Variants in DMGDH observed in about 807,000 individuals in gnomAD.
DMGDH encodes dimethylglycine dehydrogenase, mitochondrial.
In DMGDH, 76 loss-of-function variants were observed where a neutral mutation model predicts 95.2. The ratio of observed to expected loss-of-function variants is 0.80; its 90% CI spans 0.66 to 0.97. DMGDH has a LOEUF of 0.97. DMGDH is among the 50% of genes least tolerant of loss of function. The pLI is 0.00. For missense variants in DMGDH, 987 were observed against 1,055.0 expected (o/e 0.94, Z 0.89); for synonymous variants, 345 against 377.6 (o/e 0.91, Z 1.00).
chr5:79,032,654 C>A, intron 9 of DMGDH, 33 bp downstream of exon 9: 1 of 1,613,908 alleles, frequency 6.2e-7, no homozygotes, highest in South Asian at 1.1e-5. Context: ...ACCCCTCGGT[C>A]AGAACCACAG....
intron 4 of DMGDH, among the ~76,000 whole-genome samples, chr5:79,052,446 G>T (rs1169045427): frequency 2.0e-5 from 3 of 152,110 alleles, no homozygotes; most frequent in African/African-American, 7.2e-5. Flanking sequence ...TTTCTTTGTG[G>T]GAAGTTTTTG....
intron 15 of DMGDH, chr5:79,000,459 T>TTTG: frequency 1.6e-6 from 1 of 617,972 alleles, no homozygotes; most frequent in East Asian, 4.1e-5. Context: ...GACAAACTAC[T>TTTG]GGATCAAAGT....
At chr5:79,048,149 C>CTA (rs74535018) in intron 5 of DMGDH, among the ~76,000 whole-genome samples, 10,583 of 150,722 alleles carry the variant, frequency 0.07, 831 homozygotes, top group African/African-American at 0.18. Flanking sequence ...ATTATTATAC[C>CTA]TTTTTTTTTA....
At chr5:79,025,038 G>T (rs1753961547) in intron 13 of DMGDH, among the ~76,000 whole-genome samples, 1 of 152,186 alleles carries the variant, frequency 6.6e-6, no homozygotes, top group Non-Finnish European at 1.5e-5. Context: ...GTAAAACGTT[G>T]CCTCATATTT....
chr5:79,010,165 G>T (rs1421594637), intron 14 of DMGDH, among the ~76,000 whole-genome samples: 4 of 152,040 alleles, frequency 2.6e-5, no homozygotes, highest in African/African-American at 4.8e-5. Context: ...ATTTTTAAGT[G>T]AAATATAATT....
intron 2 of DMGDH, 37 bp from the exon 3 acceptor site, chr5:79,055,945 A>G (rs750961356): frequency 1.5e-6 from 2 of 1,341,710 alleles, no homozygotes; most frequent in South Asian, 2.4e-5. Flanking sequence ...CTGAAAAAAA[A>G]TTAACATTCT....
At chr5:79,030,658 A>G (rs1754138201) in intron 10 of DMGDH, 175 bp downstream of exon 10, 4 of 683,414 alleles carry the variant, frequency 5.9e-6, no homozygotes, top group Non-Finnish European at 7.0e-6. Flanking sequence ...AAAAAAAAAA[A>G]AAAAAAAAGA....
chr5:79,061,239 AC>A (rs1397054787), intron 2 of DMGDH, among the ~76,000 whole-genome samples: 3 of 139,638 alleles, frequency 2.1e-5, no homozygotes, highest in Non-Finnish European at 4.4e-5. Flanking sequence ...ACACACACAC[AC>A]ACACACACAC....
chr5:79,027,684 G>A lies in DMGDH; in HGVS notation c.2032+749C>T, dbSNP rs75112332. ...GACATCTCAGTGAACTTACAGTCTG[G>A]AAGGAAAGAAGGATTGTTGGCAATG... On this transcript the variant is annotated intron_variant, in intron 12 of 15. Transcript: ENST00000255189. 7.6e-3 allele frequency among the ~76,000 whole-genome samples: 1,151 copies of A among 152,158 alleles called. 15 individuals carry two copies. Among genetic ancestry groups the A allele is most frequent in the African/African-American group, 0.026 (1,090 of 41,496 alleles).
intron 6 of DMGDH, among the ~76,000 whole-genome samples, chr5:79,043,946 C>G (rs1754593342): frequency 6.6e-6 from 1 of 152,132 alleles, no homozygotes. Context: ...TGTAAAAGCA[C>G]AATAGCATCT....
chr5:79,059,732 A>G (rs1755142253), intron 2 of DMGDH, among the ~76,000 whole-genome samples: 1 of 152,152 alleles, frequency 6.6e-6, no homozygotes, highest in Admixed American at 6.6e-5. Flanking sequence ...AAAGGCAATT[A>G]TTTCTCACCT....
chr5:79,018,028 T>C (rs371178881), intron 14 of DMGDH, among the ~76,000 whole-genome samples: 1 of 152,242 alleles, frequency 6.6e-6, no homozygotes, highest in African/African-American at 2.4e-5. Flanking sequence ...TACAATGGAA[T>C]ACTACCTGCT....
chr5:79,022,067 T>C (rs2112613620), intron 14 of DMGDH, among the ~76,000 whole-genome samples: 1 of 152,346 alleles, frequency 6.6e-6, no homozygotes, highest in South Asian at 2.1e-4. Context: ...TGTAAATGCC[T>C]AAGGGCCAAC....
chr5:79,000,075 C>A, intron 15 of DMGDH: 1 of 364,374 alleles, frequency 2.7e-6, no homozygotes, highest in Non-Finnish European at 5.3e-6. Flanking sequence ...GTGGATACTC[C>A]TGGATTTTCA....
chr5:79,005,652 G>A (rs1753535205), intron 14 of DMGDH, among the ~76,000 whole-genome samples: 1 of 152,130 alleles, frequency 6.6e-6, no homozygotes, highest in South Asian at 2.1e-4. Flanking sequence ...CCAGAACCAG[G>A]CAGAAACCTA....
chr5:79,029,676 T>C (rs1190800756), intron 11 of DMGDH, among the ~76,000 whole-genome samples: 2 of 152,016 alleles, frequency 1.3e-5, no homozygotes, highest in Non-Finnish European at 2.9e-5. Context: ...GCCTAATAAA[T>C]GGATTAATAT....
chr5:79,052,461 C>T (rs990732796), intron 4 of DMGDH, among the ~76,000 whole-genome samples: 5 of 152,174 alleles, frequency 3.3e-5, no homozygotes, highest in Admixed American at 6.5e-5. Context: ...TTTTTGATTA[C>T]GAATTCAATC....
chr5:79,022,523 C>A (rs552942691), intron 14 of DMGDH, among the ~76,000 whole-genome samples: 1 of 152,276 alleles, frequency 6.6e-6, no homozygotes, highest in African/African-American at 2.4e-5. Flanking sequence ...GGGCCAGGTC[C>A]TTGGGCTACA....
intron 13 of DMGDH, among the ~76,000 whole-genome samples, 194 bp downstream of exon 13, chr5:79,026,228 CAT>C (rs1312509751): frequency 6.6e-6 from 1 of 152,152 alleles, no homozygotes; most frequent in Non-Finnish European, 1.5e-5. Context: ...GCAGAATAAA[CAT>C]ATGTCAGAAT....
Sources: allele counts gnomAD v4.1 joint callset (sites outside exome capture counted in the v4.1 genomes callset), GRCh38; gene constraint gnomAD v4.1.1; transcripts MANE v1.5; gene names NCBI Gene and HGNC (gene_info 2026-07-23, HGNC 2026-07-21).